CFAP54: variants seen among roughly 807,000 people sequenced by gnomAD.
The protein encoded by CFAP54 is cilia- and flagella-associated protein 54.
In CFAP54, 290 loss-of-function variants were observed where a neutral mutation model predicts 370.4. That is an observed-to-expected ratio of 0.78 (90% CI 0.71 to 0.86). The LOEUF (loss-of-function observed/expected upper bound fraction) is 0.86. CFAP54 is among the 40% of genes least tolerant of loss of function. CFAP54 has a pLI of 0.00. For missense variants in CFAP54, 3,399 were observed against 3,528.7 expected (o/e 0.96, Z 0.93); for synonymous variants, 1,206 against 1,236.5 (o/e 0.98, Z 0.52).
chr12:96,798,708 C>A (rs1341426954), intron 63 of CFAP54, among the ~76,000 whole-genome samples: 1 of 152,162 alleles, frequency 6.6e-6, no homozygotes, highest in Non-Finnish European at 1.5e-5. Context: ...TTAGAGATAA[C>A]TATAAACTCC....
intron 67 of CFAP54, among the ~76,000 whole-genome samples, chr12:96,871,591 G>A (rs61938377): frequency 6.6e-6 from 1 of 152,098 alleles, no homozygotes; most frequent in Non-Finnish European, 1.5e-5. Flanking sequence ...GAAGTTCCAG[G>A]TATTAGAATT....
chr12:96,767,339 G>C (rs896949569), intron 60 of CFAP54, among the ~76,000 whole-genome samples: 4 of 152,324 alleles, frequency 2.6e-5, no homozygotes, highest in African/African-American at 9.6e-5. Flanking sequence ...GCACACAGTG[G>C]AAAATGGCAT....
chr12:96,504,054 A>G (rs917081981), intron 3 of CFAP54, 25 bp downstream of exon 3: 1 of 1,484,700 alleles, frequency 6.7e-7, no homozygotes, highest in African/African-American at 1.4e-5. Context: ...CAGCTGAAAT[A>G]GCTACAATTT....
At chr12:96,567,904 A>G (rs1354349999) in intron 19 of CFAP54, among the ~76,000 whole-genome samples, 1 of 152,096 alleles carries the variant, frequency 6.6e-6, no homozygotes, top group African/African-American at 2.4e-5. Context: ...CCAAGTGTTA[A>G]GGCTTAATGA....
chr12:96,763,172 G>A (rs1958357996), intron 58 of CFAP54, among the ~76,000 whole-genome samples: 5 of 151,942 alleles, frequency 3.3e-5, no homozygotes, highest in Admixed American at 3.3e-4. Flanking sequence ...ACTAGCTACT[G>A]GTGGAGTTTT....
At position 96,651,703 on chromosome 12, in the gene CFAP54, C is replaced by T. The variant is rs74447642; in HGVS notation, c.4988C>T (p.Thr1663Ile). 0.13 allele frequency: 201,919 copies of T among 1,613,746 alleles called. 13,624 individuals carry two copies. The highest frequency in any genetic ancestry group is 0.15 in the Middle Eastern group (930 of 6,062). Residue 1663 changes from threonine to isoleucine, a missense_variant, in exon 36 of 68, where the codon ACA becomes ATA. Thr to Ile is a moderately conservative substitution (Grantham distance 89). This residue lies in a region of CFAP54 where 2,796 missense variants were observed against 2,869.7 expected (regional missense o/e 0.97). Transcript: ENST00000524981. ...AAACAGGCAGTGGATCTTGATAAAA[C>T]ATTTCCTATTAGCCAAGATGGTTTC... ...LLKQAVDLDK[T>I]FPISQDGFLC...
At chr12:96,748,054 T>C (rs1278395078) in intron 55 of CFAP54, among the ~76,000 whole-genome samples, 1 of 152,198 alleles carries the variant, frequency 6.6e-6, no homozygotes, top group Non-Finnish European at 1.5e-5. Flanking sequence ...AATACCCAGA[T>C]CCAACTTTCC....
At chr12:96,604,112 A>G (rs1270201811) in intron 26 of CFAP54, among the ~76,000 whole-genome samples, 2 of 152,008 alleles carry the variant, frequency 1.3e-5, no homozygotes, top group Non-Finnish European at 2.9e-5. Context: ...TTGGTCTTTG[A>G]TGTTGGTGAC....
At chr12:96,735,399 A>G (rs1275421242) in intron 50 of CFAP54, among the ~76,000 whole-genome samples, 1 of 152,202 alleles carries the variant, frequency 6.6e-6, no homozygotes, top group African/African-American at 2.4e-5. Flanking sequence ...GAAGGGGTTC[A>G]CTATCCAAAA....
In CFAP54 at chr12:96,704,772, T is replaced by C. The variant is rs1957530510; in HGVS notation, c.6504T>C (p.Leu2168=). Residue 2168 remains leucine (L), a synonymous_variant, in exon 47 of 68, where the codon CTT becomes CTC. Coordinates refer to ENST00000524981, the MANE Select transcript of CFAP54 (RefSeq NM_001306084.2). ...TTCAATCATTTGACTCAGGAAAACT[T>C]CTTACCAGTAAAGAAAATATACAGG... The part of the protein sequence containing the change: ...KIFQSFDSGK[L]LTSKENIQAI... 8.3e-7 allele frequency: 1 copy of C among 1,201,476 alleles called. No individual in the cohort carries two copies. The highest frequency in any genetic ancestry group is 1.2e-6 in the Non-Finnish European group (1 of 866,230). 74.4% of individuals were successfully genotyped at this position (1,201,476 alleles called of 1,614,324 possible).
intron 16 of CFAP54, 111 bp from the exon 17 acceptor site, chr12:96,554,565 A>G: frequency 8.4e-7 from 1 of 1,194,546 alleles, no homozygotes; most frequent in Non-Finnish European, 1.1e-6. Context: ...AGTGAGCAGA[A>G]TGTAATGGTT....
chr12:96,570,116 C>T (rs1045295732), intron 19 of CFAP54, among the ~76,000 whole-genome samples: 12 of 151,916 alleles, frequency 7.9e-5, no homozygotes, highest in African/African-American at 1.5e-4. Flanking sequence ...GCTAGAACCA[C>T]AGGCCCATGC....
In CFAP54 at chr12:96,805,103, T is replaced by C. The variant is rs183896211; in HGVS notation, c.8851-6633T>C. Among the ~76,000 whole-genome samples, 3 of 152,154 alleles carry C rather than the reference T, an allele frequency of 2.0e-5. No homozygotes were observed. The East Asian group carries it at 5.8e-4, about 29-fold the overall frequency. ...AGATACAAAACTGAAGATGGATTAA[T>C]GACCTAAACATAAGACCTGAAATTA... is the stretch of plus-strand genomic sequence containing the variant. On this transcript the variant is annotated intron_variant, in intron 63 of 67. Transcript: ENST00000524981.
intron 58 of CFAP54, among the ~76,000 whole-genome samples, chr12:96,760,280 C>A (rs1250545398): frequency 2.0e-5 from 3 of 151,934 alleles, no homozygotes; most frequent in Non-Finnish European, 1.5e-5. Flanking sequence ...TAAAAAAAAA[C>A]TAGAGGTATA....
At chr12:96,547,704 T>A (rs1043649991) in intron 14 of CFAP54, among the ~76,000 whole-genome samples, 198 bp from the exon 15 acceptor site, 1 of 152,152 alleles carries the variant, frequency 6.6e-6, no homozygotes. Context: ...TAGCATAAAG[T>A]TTTTTATGAT....
intron 56 of CFAP54, among the ~76,000 whole-genome samples, chr12:96,755,412 C>T (rs977915953): frequency 5.3e-5 from 8 of 151,938 alleles, no homozygotes; most frequent in Admixed American, 2.0e-4. Flanking sequence ...AATAGGTCTC[C>T]AGAACTTATT....
chr12:96,706,230 G>T (rs1395768950), intron 47 of CFAP54, among the ~76,000 whole-genome samples: 1 of 152,096 alleles, frequency 6.6e-6, no homozygotes, highest in Non-Finnish European at 1.5e-5. Context: ...ATTATATAGT[G>T]CATTAGACGG....
At chr12:96,745,996 C>T (rs1014318080) in intron 55 of CFAP54, among the ~76,000 whole-genome samples, 6 of 152,170 alleles carry the variant, frequency 3.9e-5, no homozygotes, top group East Asian at 1.9e-4. Context: ...CTCTGCTTTG[C>T]GAGCATGGTT....
intron 38 of CFAP54, among the ~76,000 whole-genome samples, chr12:96,660,039 A>G (rs1027418734): frequency 6.6e-6 from 1 of 152,240 alleles, no homozygotes; most frequent in Non-Finnish European, 1.5e-5. Flanking sequence ...TATAATCATT[A>G]TAAGGTCTCT....
Sources: gnomAD v4.1 joint callset for allele counts (sites outside exome capture counted in the v4.1 genomes callset) on GRCh38, gnomAD v4.1.1 for gene constraint, gnomAD v4.1.1 regional missense constraint, MANE v1.5 for transcripts, NCBI Gene and HGNC (gene_info 2026-07-23, HGNC 2026-07-21) for gene names.